Variants in MYOM2 observed in about 807,000 individuals in gnomAD.
The protein encoded by MYOM2 is myomesin 2.
A neutral mutation model predicts 187.6 loss-of-function variants in MYOM2; 254 were observed. That is an observed-to-expected ratio of 1.35 (90% CI 1.22 to 1.50). The LOEUF (loss-of-function observed/expected upper bound fraction) is 1.50. MYOM2 is among the 40% of genes most tolerant of loss of function. MYOM2 has a pLI of 0.00. For synonymous variants in MYOM2, 981 were observed against 753.8 expected, an observed-to-expected ratio of 1.30 and a Z score of -4.94; for missense variants, 2,796 against 1,924.0, an observed-to-expected ratio of 1.45 and a Z score of -8.48.
chr8:2,083,216 A>G (rs1043398484), intron 13 of MYOM2, among the ~76,000 whole-genome samples: 21 of 152,232 alleles, frequency 1.4e-4, no homozygotes, highest in African/African-American at 4.8e-4. Flanking sequence ...TTTAGTATTG[A>G]CTTGGCCCAA....
At chr8:2,137,570 G>T (rs950639367) in intron 32 of MYOM2, among the ~76,000 whole-genome samples, 20 of 151,992 alleles carry the variant, frequency 1.3e-4, no homozygotes, top group Admixed American at 8.5e-4. Context: ...CTGGTTGTGT[G>T]TGTGTGTGTG....
chr8:2,045,792 G>C (rs1818293007), intron 1 of MYOM2, among the ~76,000 whole-genome samples: 6 of 152,208 alleles, frequency 3.9e-5, no homozygotes, highest in Admixed American at 3.9e-4. Flanking sequence ...GATAGAGGCT[G>C]TGCCTTCTCA....
At chr8:2,078,598 C>A in intron 11 of MYOM2, 136 bp from the exon 12 acceptor site, 1 of 744,290 alleles carries the variant, frequency 1.3e-6, no homozygotes, top group Non-Finnish European at 2.2e-6. Flanking sequence ...AAGTCAATAT[C>A]TTAGCAGCAA....
intron 32 of MYOM2, among the ~76,000 whole-genome samples, chr8:2,130,973 GT>G (rs1251361390): frequency 4.6e-5 from 7 of 152,160 alleles, no homozygotes; most frequent in Non-Finnish European, 8.8e-5. Flanking sequence ...GCTGTAAGTT[GT>G]ACACACTTGC....
rs199741930 is a variant in MYOM2, at chr8:2,142,330, A to C, written c.4002-45A>C. On this transcript the variant is annotated intron_variant, in intron 34 of 36. Transcript: ENST00000262113. Reference sequence around the variant, plus strand: ...TGCATTTTGTTGGAAGCATTTTCTCATACTCTCTTTTCATTCTCTCCTTTC... The same window carrying C: ...TGCATTTTGTTGGAAGCATTTTCTCCTACTCTCTTTTCATTCTCTCCTTTC... 1,012 of 1,598,662 alleles carry C rather than the reference A, an allele frequency of 6.3e-4. 11 individuals carry two copies. The highest frequency in any genetic ancestry group is 4.9e-4 in the East Asian group (22 of 44,800).
intron 23 of MYOM2, 51 bp from the exon 24 acceptor site, chr8:2,108,735 C>A (rs751055471): frequency 1.9e-5 from 31 of 1,595,796 alleles, no homozygotes; most frequent in Middle Eastern, 3.3e-4. Flanking sequence ...TGTCTACAAA[C>A]TTCTCTAGGT....
intron 6 of MYOM2, among the ~76,000 whole-genome samples, chr8:2,064,717 G>T (rs1818959030): frequency 1.3e-5 from 2 of 152,222 alleles, no homozygotes; most frequent in Admixed American, 6.5e-5. Flanking sequence ...CTTTGGGAGA[G>T]GCTGCTGGCT....
intron 3 of MYOM2, among the ~76,000 whole-genome samples, chr8:2,056,064 T>G (rs1818653484): frequency 6.6e-6 from 1 of 152,178 alleles, no homozygotes. Flanking sequence ...TGAGACATCT[T>G]CTATGTGCTG....
chr8:2,068,340 G>A (rs1363394329), intron 6 of MYOM2, among the ~76,000 whole-genome samples: 2 of 150,010 alleles, frequency 1.3e-5, no homozygotes, highest in African/African-American at 4.9e-5. Flanking sequence ...GCATCCCGGG[G>A]GCAGCTCTTC....
chr8:2,052,629 A>C (rs558667019), intron 3 of MYOM2, among the ~76,000 whole-genome samples: 1 of 152,324 alleles, frequency 6.6e-6, no homozygotes, highest in South Asian at 2.1e-4. Flanking sequence ...CTGGGCTTAG[A>C]GCTCCAGGGT....
intron 6 of MYOM2, among the ~76,000 whole-genome samples, chr8:2,068,751 C>A (rs916770192): frequency 1.3e-4 from 20 of 152,214 alleles, no homozygotes; most frequent in African/African-American, 4.8e-4. Context: ...ACGGCTCCTG[C>A]ATGGAATGGA....
chr8:2,065,790 C>A (rs368231198), intron 6 of MYOM2, among the ~76,000 whole-genome samples: 9 of 152,154 alleles, frequency 5.9e-5, no homozygotes, highest in Admixed American at 1.3e-4. Context: ...CCTGAGGCCC[C>A]GGTACCCATG....
chr8:2,123,535 G>T lies in MYOM2; in HGVS notation c.3568-20G>T. ...TGCAGTATTGACTTTACATAAATAT[G>T]GAATGTGTTTTCTTTGTAGTTGTCA... On this transcript the variant is annotated intron_variant, in intron 29 of 36. Coordinates refer to ENST00000262113, the MANE Select transcript of MYOM2 (RefSeq NM_003970.4). 6.2e-7 allele frequency: 1 copy of T among 1,602,742 alleles called. No homozygotes were observed. Among genetic ancestry groups the T allele is most frequent in the African/African-American group, 1.3e-5 (1 of 74,734 alleles).
rs114387354 is a variant in MYOM2, at chr8:2,140,481, G to A, written c.3801-242G>A. Among the ~76,000 whole-genome samples, 1,073 of 152,262 alleles carry A rather than the reference G, an allele frequency of 7.0e-3. 9 individuals are homozygous for A. The highest frequency in any genetic ancestry group is 0.024 in the African/African-American group (1,014 of 41,532). On this transcript the variant is annotated intron_variant, in intron 32 of 36. Transcript: ENST00000262113. ...AGAGTAATGTTAAGTCCATTATGTCGTGACAAGTATATATTACATAATAAT... is the reference window on the plus strand; with the variant it reads ...AGAGTAATGTTAAGTCCATTATGTCATGACAAGTATATATTACATAATAAT...
intron 32 of MYOM2, among the ~76,000 whole-genome samples, chr8:2,138,658 A>G (rs1585978207): frequency 1.3e-5 from 2 of 152,216 alleles, no homozygotes; most frequent in Admixed American, 6.5e-5. Context: ...TCGCTCCCAC[A>G]TCGGCAACAG....
chr8:2,085,389 A>C lies in MYOM2; in HGVS notation c.1643A>C (p.Lys548Thr), dbSNP rs1268505840. The C allele has an allele frequency of 6.2e-7, 1 of 1,607,882 alleles. No homozygotes were observed. Among genetic ancestry groups the C allele is most frequent in the Non-Finnish European group, 8.5e-7 (1 of 1,177,762 alleles). Residue 548 changes from lysine (K) to threonine (T), a missense_variant and splice_region_variant, in exon 14 of 37, where the codon AAG becomes ACG. By Grantham distance (78) the Lys-to-Thr change is moderately conservative (BLOSUM62 -1). Coordinates refer to ENST00000262113, the MANE Select transcript of MYOM2 (RefSeq NM_003970.4). ...GACCCGCTCATGTACTTCATTGAGAAGGTAAACTCCGGGCCCGTGTCCTGG... is the reference window on the plus strand; with the variant it reads ...GACCCGCTCATGTACTTCATTGAGACGGTAAACTCCGGGCCCGTGTCCTGG... ...GKDPLMYFIE[K>T]SVVGSGSWQR...
chr8:2,052,291 G>C lies in MYOM2; in HGVS notation c.241G>C (p.Glu81Gln), dbSNP rs35985218. ...GAAGCGAGTGAGCACGCAGGAAGAT[G>C]AGGAGCAGGAGAACAGAAGCAGGTG... is the stretch of plus-strand genomic sequence containing the variant. ...CAKRVSTQED[E>Q]EQENRSRYQS... is the part of the protein sequence containing the mutation. Residue 81 changes from glutamate (E) to glutamine (Q), a missense_variant, in exon 3 of 37, where the codon GAG (glutamate) becomes CAG (glutamine). By Grantham distance (29) the Glu-to-Gln change is conservative. Coordinates refer to ENST00000262113, the MANE Select transcript of MYOM2 (RefSeq NM_003970.4). The C allele has an allele frequency of 1.9e-6, 3 of 1,605,520 alleles. No homozygotes were observed. Among genetic ancestry groups the C allele is most frequent in the Non-Finnish European group, 2.6e-6 (3 of 1,176,052 alleles).
intron 19 of MYOM2, chr8:2,100,621 T>C: frequency 2.1e-6 from 1 of 484,712 alleles, no homozygotes; most frequent in Non-Finnish European, 3.7e-6. Context: ...GTCCCGAGAA[T>C]GCAGTGTGGA....
intron 14 of MYOM2, among the ~76,000 whole-genome samples, chr8:2,089,803 T>A (rs560799702): frequency 6.6e-6 from 1 of 152,302 alleles, no homozygotes; most frequent in South Asian, 2.1e-4. Flanking sequence ...ATGATCAACT[T>A]TGGGTATTTG....
Sources: allele counts gnomAD v4.1 joint callset (sites outside exome capture counted in the v4.1 genomes callset), GRCh38; gene constraint gnomAD v4.1.1; transcripts MANE v1.5; gene names NCBI Gene and HGNC (gene_info 2026-07-23, HGNC 2026-07-21).